Variants in ATRNL1 observed in about 807,000 individuals in gnomAD.
ATRNL1 encodes the protein attractin-like protein 1.
Under a neutral mutation model 182.7 loss-of-function variants are expected in ATRNL1, and 95 were observed. The observed-to-expected ratio is 0.52, with a 90% confidence interval of 0.44 to 0.62. ATRNL1 has a LOEUF of 0.62. Among genes scored for constraint, ATRNL1 ranks in the 20% least tolerant of loss-of-function variants. The pLI is 0.00. For missense variants in ATRNL1, 1,471 were observed against 1,679.5 expected (o/e 0.88, Z 2.17); for synonymous variants, 576 against 568.3 (o/e 1.01, Z -0.19).
intron 24 of ATRNL1, among the ~76,000 whole-genome samples, chr10:115,502,463 A>G (rs1849892576): frequency 6.6e-6 from 1 of 152,152 alleles, no homozygotes; most frequent in South Asian, 2.1e-4. Context: ...AAAAAGAGGC[A>G]AAAACCCTTA....
chr10:115,675,235 G>A (rs1270005361), intron 26 of ATRNL1, among the ~76,000 whole-genome samples: 2 of 152,188 alleles, frequency 1.3e-5, no homozygotes, highest in East Asian at 3.9e-4. Flanking sequence ...AAAAAGATTA[G>A]CCTGTAGTCC....
intron 27 of ATRNL1, among the ~76,000 whole-genome samples, chr10:115,807,684 A>C (rs1949952947): frequency 6.6e-6 from 1 of 152,168 alleles, no homozygotes; most frequent in Admixed American, 6.5e-5. Flanking sequence ...TACAATCAAT[A>C]TGTATTGCCA....
chr10:115,608,169 T>C (rs1254454835), intron 26 of ATRNL1, among the ~76,000 whole-genome samples: 2 of 151,994 alleles, frequency 1.3e-5, no homozygotes, highest in Non-Finnish European at 2.9e-5. Context: ...CATGGTAATT[T>C]GTATTGAAAG....
At chr10:115,515,557 A>G (rs968548902) in intron 24 of ATRNL1, among the ~76,000 whole-genome samples, 1 of 151,784 alleles carries the variant, frequency 6.6e-6, no homozygotes, top group Non-Finnish European at 1.5e-5. Flanking sequence ...TAGATTTTTA[A>G]AATACTTTCT....
chr10:115,487,898 T>G (rs565838285), intron 24 of ATRNL1, among the ~76,000 whole-genome samples: 82 of 151,338 alleles, frequency 5.4e-4, no homozygotes, highest in Middle Eastern at 3.4e-3. Context: ...TTTTGAGATA[T>G]GTTTCATCCT....
At chr10:115,423,201 C>T (rs1554962249) in intron 20 of ATRNL1, among the ~76,000 whole-genome samples, 1 of 151,912 alleles carries the variant, frequency 6.6e-6, no homozygotes, top group African/African-American at 2.4e-5. Context: ...TCTATGTACC[C>T]CATAAATAAG....
chr10:115,839,336 A>C (rs1242783861), intron 27 of ATRNL1, among the ~76,000 whole-genome samples: 2 of 152,108 alleles, frequency 1.3e-5, no homozygotes, highest in Admixed American at 1.3e-4. Flanking sequence ...CCATCCGAGC[A>C]TCTCAGCACA....
chr10:115,257,574 T>TTTATCCAATTTGCCAGTGTG (rs1851206623), intron 10 of ATRNL1, among the ~76,000 whole-genome samples: 1 of 148,356 alleles, frequency 6.7e-6, no homozygotes, highest in Non-Finnish European at 1.5e-5. Flanking sequence ...GATCTTGACT[T>TTTATCCAATTTGCCAGTGTG]TGTCTTTTAA....
At chr10:115,168,981 A>C (rs1554884915) in intron 7 of ATRNL1, among the ~76,000 whole-genome samples, 2 of 147,426 alleles carry the variant, frequency 1.4e-5, no homozygotes, top group East Asian at 3.9e-4. Flanking sequence ...ATTTTGAGTT[A>C]AGTTTTGTAT....
Position 115,327,782 on chromosome 10 carries a change from G to C in ATRNL1, c.3038-6500G>C, listed in dbSNP as rs75822543. ...AAAAAATGATGAGTTCATGTCCTTTGTAGGGATATGGATGAAATTGGAAAT... is the reference window on the plus strand; with the variant it reads ...AAAAAATGATGAGTTCATGTCCTTTCTAGGGATATGGATGAAATTGGAAAT... On this transcript the variant is annotated intron_variant, in intron 18 of 28. Transcript: ENST00000355044. Among the ~76,000 whole-genome samples the C allele has an allele frequency of 1.2e-4, 19 of 152,132 alleles. No individual in the cohort carries two copies. The East Asian group carries it at 3.7e-3, about 29-fold the overall frequency.
intron 26 of ATRNL1, among the ~76,000 whole-genome samples, chr10:115,587,571 G>A (rs112838385): frequency 2.8e-5 from 4 of 141,514 alleles, no homozygotes; most frequent in Non-Finnish European, 3.1e-5. Context: ...GGAACTCCCT[G>A]ACCCCTTGCG....
intron 13 of ATRNL1, among the ~76,000 whole-genome samples, 195 bp downstream of exon 13, chr10:115,268,639 T>G (rs553184942): frequency 7.9e-5 from 12 of 152,322 alleles, no homozygotes; most frequent in Admixed American, 2.0e-4. Flanking sequence ...TCAGTCTAGA[T>G]TCCATTTTGG....
intron 1 of ATRNL1, among the ~76,000 whole-genome samples, chr10:115,095,939 A>C (rs1290736067): frequency 6.6e-6 from 1 of 152,178 alleles, no homozygotes; most frequent in African/African-American, 2.4e-5. Context: ...TGCAGTCCTG[A>C]GAAGCTTCAT....
intron 27 of ATRNL1, among the ~76,000 whole-genome samples, chr10:115,768,654 T>C (rs1297333075): frequency 6.6e-6 from 1 of 152,186 alleles, no homozygotes; most frequent in Non-Finnish European, 1.5e-5. Flanking sequence ...TTCTTCACTT[T>C]ACCTGACATT....
chr10:115,404,792 T>A (rs2134315222), intron 20 of ATRNL1, among the ~76,000 whole-genome samples: 1 of 148,948 alleles, frequency 6.7e-6, no homozygotes, highest in South Asian at 2.1e-4. Flanking sequence ...ATTCATCTCT[T>A]AAAACTTGCA....
chr10:115,285,347 C>G (rs1246361211), intron 14 of ATRNL1, among the ~76,000 whole-genome samples: 3 of 152,028 alleles, frequency 2.0e-5, no homozygotes, highest in African/African-American at 7.2e-5. Flanking sequence ...AATTTGAGAA[C>G]AGCTGCTTTA....
At chr10:115,360,602 A>C (rs1592519044) in intron 19 of ATRNL1, among the ~76,000 whole-genome samples, 1 of 70,246 alleles carries the variant, frequency 1.4e-5, no homozygotes, top group East Asian at 2.6e-4. Flanking sequence ...TTTTTAAAGC[A>C]AAAAAAAAAT....
At chr10:115,669,779 T>A (rs1945638264) in intron 26 of ATRNL1, among the ~76,000 whole-genome samples, 2 of 152,130 alleles carry the variant, frequency 1.3e-5, no homozygotes, top group Non-Finnish European at 2.9e-5. Flanking sequence ...TTCTACAACT[T>A]TGGTCAAATT....
At chr10:115,643,643 C>T (rs185460456) in intron 26 of ATRNL1, among the ~76,000 whole-genome samples, 1 of 152,178 alleles carries the variant, frequency 6.6e-6, no homozygotes, top group East Asian at 1.9e-4. Flanking sequence ...TTTGAGTAGA[C>T]ACTTTAACAA....
Sources: allele counts gnomAD v4.1 joint callset (sites outside exome capture counted in the v4.1 genomes callset), GRCh38; gene constraint gnomAD v4.1.1; transcripts MANE v1.5; gene names NCBI Gene and HGNC (gene_info 2026-07-23, HGNC 2026-07-21).